KLHL13: variants seen among roughly 807,000 people sequenced by gnomAD.
KLHL13 encodes kelch like family member 13, also known as kelch-like protein 13.
A neutral mutation model predicts 37.1 loss-of-function variants in KLHL13; 10 were observed. The observed-to-expected ratio is 0.27, with a 90% CI of 0.17 to 0.46. KLHL13 has a LOEUF of 0.46. Among genes scored for constraint, KLHL13 ranks in the 20% least tolerant of loss-of-function variants. The pLI, the probability that KLHL13 is intolerant of heterozygous loss-of-function variation, is 1.00. For synonymous variants in KLHL13, 163 were observed against 181.2 expected (o/e 0.90, Z 0.81); for missense variants, 360 against 509.3 (o/e 0.71, Z 2.82).
In KLHL13 at chrX:117,937,801, A is replaced by G. The variant is rs1227474742; in HGVS notation, c.240+7633T>C. Among the ~76,000 whole-genome samples, 6 of 111,913 alleles carry G rather than the reference A, an allele frequency of 5.4e-5. No individual in the cohort carries two copies. In the Admixed American group the frequency reaches 5.7e-4, roughly 11 times the overall value. On this transcript the variant is annotated intron_variant, in intron 2 of 6. Coordinates refer to ENST00000262820, the Ensembl canonical transcript of KLHL13. Reference sequence around the variant, plus strand: ...AAGTGCACAAATCAATGGTTTTAGTATATTCACAGATATATGCAATGATAT... The same window carrying G: ...AAGTGCACAAATCAATGGTTTTAGTGTATTCACAGATATATGCAATGATAT...
intron 1 of KLHL13, among the ~76,000 whole-genome samples, chrX:118,075,154 C>T (rs2054916038): frequency 9.0e-6 from 1 of 111,334 alleles, no homozygotes; most frequent in African/African-American, 3.3e-5. Context: ...AAGTGGGGAA[C>T]GGAGTGGGCA....
intron 6 of KLHL13, among the ~76,000 whole-genome samples, chrX:117,900,714 T>C (rs1424071146): frequency 1.8e-5 from 2 of 111,402 alleles, no homozygotes; most frequent in Non-Finnish European, 3.8e-5. Context: ...CTTTACACCC[T>C]TGGTCTCTAG....
At chrX:117,926,330 G>A (rs1932015464) in intron 2 of KLHL13, among the ~76,000 whole-genome samples, 1 of 111,063 alleles carries the variant, frequency 9.0e-6, no homozygotes, top group South Asian at 3.9e-4. Context: ...TGAGAGTCTG[G>A]GGACATCAAG....
upstream of KLHL13, chrX:118,116,868 G>T (rs1254149129): frequency 2.1e-5 from 2 of 93,267 alleles, no homozygotes; most frequent in African/African-American, 3.9e-5. Context: ...GGGGCAGTGG[G>T]GGGGGGAGCG....
chrX:117,969,005 A>C (rs1354732156), intron 1 of KLHL13, among the ~76,000 whole-genome samples: 4 of 111,765 alleles, frequency 3.6e-5, no homozygotes, highest in Non-Finnish European at 5.7e-5. Context: ...TACTATAAAA[A>C]TATTTTTTAC....
At chrX:118,006,977 T>C (rs1216518100) in intron 1 of KLHL13, among the ~76,000 whole-genome samples, 1 of 111,514 alleles carries the variant, frequency 9.0e-6, no homozygotes, top group Admixed American at 9.5e-5. Flanking sequence ...GGGGCAGGCA[T>C]TGGGGGCCAG....
At chrX:117,961,192 T>C (rs969993748) in intron 1 of KLHL13, among the ~76,000 whole-genome samples, 2 of 111,979 alleles carry the variant, frequency 1.8e-5, no homozygotes, top group African/African-American at 6.5e-5. Flanking sequence ...CCCCAGATTA[T>C]AGTTCTGTTA....
intron 1 of KLHL13, among the ~76,000 whole-genome samples, chrX:118,107,867 C>T (rs980053754): frequency 8.1e-5 from 9 of 111,551 alleles, no homozygotes; most frequent in Admixed American, 1.9e-4. Flanking sequence ...GCCTGAGCAA[C>T]ATGGTGAAAC....
chrX:117,983,453 A>T, intron 1 of KLHL13: 1 of 981,787 alleles, frequency 1.0e-6, no homozygotes, highest in African/African-American at 2.0e-5. Context: ...AAAAAAGGTG[A>T]GGAAAAATGT....
intron 1 of KLHL13, among the ~76,000 whole-genome samples, chrX:118,111,774 C>T (rs1472661243): frequency 8.9e-6 from 1 of 111,948 alleles, no homozygotes; most frequent in Non-Finnish European, 1.9e-5. Flanking sequence ...CACCTGTAGT[C>T]CCAGCTACTC....
chrX:117,933,068 TA>T (rs1240872586), intron 2 of KLHL13, among the ~76,000 whole-genome samples: 1 of 109,954 alleles, frequency 9.1e-6, no homozygotes, highest in African/African-American at 3.4e-5. Context: ...TTGGATAATT[TA>T]TTTTTTTTTT....
chrX:117,925,958 A>G (rs1305012846), intron 2 of KLHL13, among the ~76,000 whole-genome samples: 1 of 111,411 alleles, frequency 9.0e-6, no homozygotes, highest in African/African-American at 3.3e-5. Flanking sequence ...AAATGCTGGG[A>G]TTACAGGTGT....
chrX:118,104,044 C>T (rs1418157676), intron 1 of KLHL13, among the ~76,000 whole-genome samples: 1 of 77,652 alleles, frequency 1.3e-5, no homozygotes, highest in Non-Finnish European at 2.2e-5. Context: ...GGCCTCATTT[C>T]CACTAAAAAA....
At chrX:118,105,964 C>T (rs1199707682) in intron 1 of KLHL13, among the ~76,000 whole-genome samples, 4 of 94,008 alleles carry the variant, frequency 4.3e-5, no homozygotes, top group Admixed American at 1.3e-4. Flanking sequence ...TGCAGTAGCG[C>T]GATCTCAGCT....
chrX:117,918,590 C>A (rs745970191), intron 4 of KLHL13, among the ~76,000 whole-genome samples: 1 of 111,538 alleles, frequency 9.0e-6, no homozygotes, highest in South Asian at 3.8e-4. Context: ...TATTTCTGTC[C>A]AATGTAGCCA....
chrX:118,108,437 T>G (rs1336395145), intron 1 of KLHL13, among the ~76,000 whole-genome samples: 1 of 112,484 alleles, frequency 8.9e-6, no homozygotes, highest in Non-Finnish European at 1.9e-5. Context: ...TTTCTTCACT[T>G]GCCTTTTTCT....
intron 1 of KLHL13, among the ~76,000 whole-genome samples, chrX:117,994,621 CTGTT>C (rs1447284531): frequency 8.9e-6 from 1 of 111,975 alleles, no homozygotes; most frequent in Non-Finnish European, 1.9e-5. Context: ...TGGCCTCAGT[CTGTT>C]TGTCCTCTGT....
chrX:117,952,990 A>G (rs1454624697), intron 1 of KLHL13, among the ~76,000 whole-genome samples: 1 of 111,641 alleles, frequency 9.0e-6, no homozygotes. Flanking sequence ...TGTGGAAGTC[A>G]GTGTGGGGAT....
chrX:118,098,641 C>T (rs1225033026), intron 1 of KLHL13, among the ~76,000 whole-genome samples: 3 of 106,721 alleles, frequency 2.8e-5, no homozygotes, highest in Non-Finnish European at 3.8e-5. Flanking sequence ...TTTATAGCGG[C>T]ACTATTCACA....
Sources: gnomAD v4.1 joint callset for allele counts (sites outside exome capture counted in the v4.1 genomes callset) on GRCh38, gnomAD v4.1.1 for gene constraint, MANE v1.5 for transcripts, NCBI Gene and HGNC (gene_info 2026-07-23, HGNC 2026-07-21) for gene names.